CRTAC1: variants seen among roughly 807,000 people sequenced by gnomAD.
CRTAC1 encodes the protein cartilage acidic protein 1, also known as acidic secreted protein in cartilage.
CRTAC1 carries 37 observed loss-of-function variants against 67.8 expected under a neutral mutation model. That is an observed-to-expected ratio of 0.55 (90% CI 0.42 to 0.72). The LOEUF (loss-of-function observed/expected upper bound fraction) is 0.72. CRTAC1 is among the 30% of genes least tolerant of loss of function. The pLI is 0.00. For synonymous variants in CRTAC1, 348 were observed against 371.0 expected, an observed-to-expected ratio of 0.94 and a Z score of 0.71; for missense variants, 780 against 931.6, an observed-to-expected ratio of 0.84 and a Z score of 2.12.
At chr10:97,969,810 A>C (rs879526461) in intron 2 of CRTAC1, among the ~76,000 whole-genome samples, 1 of 152,074 alleles carries the variant, frequency 6.6e-6, no homozygotes, top group Non-Finnish European at 1.5e-5. Flanking sequence ...TGGAGGCAGT[A>C]GGCTTAGTCA....
Position 97,979,781 on chromosome 10 carries a change from C to G in CRTAC1, c.224+31357G>C, listed in dbSNP as rs1473890277. ...ATGTCTCTGGGGTGGAGCTTGTCACCAGTATTTTTTTTTGAAGGGTCCCCA... is the reference window on the plus strand; with the variant it reads ...ATGTCTCTGGGGTGGAGCTTGTCACGAGTATTTTTTTTTGAAGGGTCCCCA... On this transcript the variant is annotated intron_variant, in intron 2 of 14. Transcript: ENST00000370597. Among the ~76,000 whole-genome samples, 3 of 152,142 alleles carry G rather than the reference C, an allele frequency of 2.0e-5. No individual in the cohort carries two copies. In the East Asian group the frequency reaches 5.8e-4, roughly 29 times the overall value.
intron 1 of CRTAC1, among the ~76,000 whole-genome samples, chr10:98,020,709 C>T (rs1590299760): frequency 6.6e-6 from 1 of 152,292 alleles, no homozygotes; most frequent in South Asian, 2.1e-4. Context: ...GGAGCAGGTG[C>T]ATGGGAGATG....
intron 3 of CRTAC1, among the ~76,000 whole-genome samples, chr10:97,929,802 C>T (rs10883021): frequency 0.78 from 119,420 of 152,198 alleles, 48,844 homozygotes; most frequent in Non-Finnish European, 0.89. Flanking sequence ...TCCAGGAAAT[C>T]ACAGCACATG....
chr10:97,965,469 C>T (rs1396639503), intron 2 of CRTAC1, among the ~76,000 whole-genome samples: 2 of 152,170 alleles, frequency 1.3e-5, no homozygotes, highest in East Asian at 3.8e-4. Context: ...TTTGTAGCTG[C>T]CAGATGTACT....
At chr10:98,020,487 T>C (rs940115201) in intron 1 of CRTAC1, among the ~76,000 whole-genome samples, 8 of 152,218 alleles carry the variant, frequency 5.3e-5, no homozygotes, top group Admixed American at 1.3e-4. Context: ...TAGTACCTGG[T>C]GGATCCAGGA....
intron 1 of CRTAC1, among the ~76,000 whole-genome samples, chr10:98,024,323 C>T (rs571314265): frequency 5.9e-5 from 9 of 152,316 alleles, no homozygotes; most frequent in East Asian, 1.9e-4. Flanking sequence ...TAAAGTAATA[C>T]GTCAAAATGT....
chr10:97,879,166 T>G (rs554857875), intron 14 of CRTAC1, among the ~76,000 whole-genome samples: 1 of 152,278 alleles, frequency 6.6e-6, no homozygotes. Context: ...CAAGTTCAAA[T>G]GATAACATTT....
intron 1 of CRTAC1, among the ~76,000 whole-genome samples, chr10:98,014,708 C>G (rs1590293656): frequency 6.6e-6 from 1 of 152,318 alleles, no homozygotes; most frequent in East Asian, 1.9e-4. Flanking sequence ...TGAAACATCA[C>G]TAATCATTAG....
chr10:97,866,647 TATGA>T (rs112455619), intron 14 of CRTAC1: 7 of 152,254 alleles, frequency 4.6e-5, no homozygotes, highest in Non-Finnish European at 1.0e-4. Context: ...TGCACAAGTG[TATGA>T]ATGTGGACAC....
Position 98,030,340 on chromosome 10 carries a change from G to A in CRTAC1, c.24+109C>T, listed in dbSNP as rs1385576485. 3 of 674,524 alleles carry A rather than the reference G, an allele frequency of 4.4e-6. No individual in the cohort carries two copies. The highest frequency in any genetic ancestry group is 7.5e-5 in the South Asian group (1 of 13,266). 41.8% of individuals were successfully genotyped at this position (674,524 alleles called of 1,614,324 possible). On this transcript the variant is annotated intron_variant, in intron 1 of 14. Coordinates refer to ENST00000370597, the MANE Select transcript of CRTAC1 (RefSeq NM_018058.7). The surrounding 1 kb of genome is among the most constrained non-coding windows in gnomAD (Gnocchi z 4.2). ...CGCCTTCGCGATCCCAGTCTTCCCG[G>A]GTTCCCGGGCGGCGTCCCCGCCACC...
rs140053538 is a variant in CRTAC1, at chr10:98,000,939, C to T, written c.224+10199G>A. On this transcript the variant is annotated intron_variant, in intron 2 of 14. Transcript: ENST00000370597. ...ACTTAAGCTATACATAGGCTGCATA[C>T]AAGAAACACACATAAAACATAAGCA... is the stretch of plus-strand genomic sequence containing the variant. Among the ~76,000 whole-genome samples, 410 of 152,210 alleles carry T rather than the reference C, an allele frequency of 2.7e-3. 1 individual carries two copies. The highest frequency in any genetic ancestry group is 4.4e-3 in the Non-Finnish European group (298 of 68,016).
intron 14 of CRTAC1, among the ~76,000 whole-genome samples, chr10:97,872,906 C>T (rs1415596128): frequency 6.6e-6 from 1 of 152,140 alleles, no homozygotes; most frequent in East Asian, 1.9e-4. Flanking sequence ...GGGAAGAATC[C>T]TTATAGGTCT....
chr10:97,894,887 C>A (rs2050434018), intron 11 of CRTAC1, among the ~76,000 whole-genome samples: 1 of 150,666 alleles, frequency 6.6e-6, no homozygotes, highest in South Asian at 2.1e-4. Context: ...AACCAGCTCC[C>A]AAGAGGCCAG....
intron 2 of CRTAC1, among the ~76,000 whole-genome samples, chr10:98,004,093 T>G (rs2136687090): frequency 6.6e-6 from 1 of 152,356 alleles, no homozygotes; most frequent in East Asian, 1.9e-4. Context: ...TAATTGGTAT[T>G]TATTAGTATT....
At chr10:97,893,828 T>G (rs1323772495) in intron 11 of CRTAC1, among the ~76,000 whole-genome samples, 1 of 152,224 alleles carries the variant, frequency 6.6e-6, no homozygotes, top group Admixed American at 6.5e-5. Flanking sequence ...GAGAATGTTA[T>G]GTAAACAAAA....
chr10:97,960,356 T>C (rs1277292026), intron 2 of CRTAC1, among the ~76,000 whole-genome samples: 1 of 152,202 alleles, frequency 6.6e-6, no homozygotes, highest in East Asian at 1.9e-4. Flanking sequence ...GACCATCATA[T>C]AAACACCAGC....
intron 12 of CRTAC1, among the ~76,000 whole-genome samples, chr10:97,883,404 C>T (rs768221818): frequency 6.6e-6 from 1 of 152,198 alleles, no homozygotes; most frequent in Non-Finnish European, 1.5e-5. Context: ...CTCTACCATG[C>T]CCATATGGGG....
chr10:97,991,165 G>A (rs1407032905), intron 2 of CRTAC1, among the ~76,000 whole-genome samples: 21 of 149,578 alleles, frequency 1.4e-4, no homozygotes, highest in East Asian at 2.0e-4. Context: ...CCCAGCTCAG[G>A]AGGCTGAGGT....
chr10:97,929,714 T>C (rs114475332), intron 3 of CRTAC1, among the ~76,000 whole-genome samples: 77 of 152,326 alleles, frequency 5.1e-4, no homozygotes, highest in African/African-American at 1.8e-3. Flanking sequence ...AGATAATGTA[T>C]GTAAAGTGCT....
Sources: allele counts gnomAD v4.1 joint callset (sites outside exome capture counted in the v4.1 genomes callset), GRCh38; gene constraint gnomAD v4.1.1; non-coding constraint Gnocchi (gnomAD v3.1); transcripts MANE v1.5; gene names NCBI Gene and HGNC (gene_info 2026-07-23, HGNC 2026-07-21).